Variants in CCDC146 observed in about 807,000 individuals in gnomAD.
CCDC146 encodes coiled-coil domain-containing protein 146.
In CCDC146, 92 loss-of-function variants were observed where a neutral mutation model predicts 119.3. That is an observed-to-expected ratio of 0.77 (90% CI 0.65 to 0.92). CCDC146 has a LOEUF of 0.92. Among genes scored for constraint, CCDC146 ranks in the 40% least tolerant of loss-of-function variants. The pLI is 0.00. For synonymous variants in CCDC146, 372 were observed against 371.8 expected, an observed-to-expected ratio of 1.00 and a Z score of -0.01; for missense variants, 1,000 against 1,103.0, an observed-to-expected ratio of 0.91 and a Z score of 1.32.
At chr7:77,146,110 G>A (rs1791015001) in intron 1 of CCDC146, among the ~76,000 whole-genome samples, 2 of 151,782 alleles carry the variant, frequency 1.3e-5, no homozygotes, top group South Asian at 4.2e-4. Context: ...TCTTGTATTG[G>A]GTGCATACAT....
At chr7:77,145,992 T>A (rs1224470761) in intron 1 of CCDC146, among the ~76,000 whole-genome samples, 1 of 151,960 alleles carries the variant, frequency 6.6e-6, no homozygotes, top group African/African-American at 2.4e-5. Flanking sequence ...TCTGTCTCAT[T>A]GATCTGTCTA....
chr7:77,148,516 T>G (rs901810709), intron 1 of CCDC146, among the ~76,000 whole-genome samples: 1 of 152,058 alleles, frequency 6.6e-6, no homozygotes, highest in Non-Finnish European at 1.5e-5. Flanking sequence ...CTAGGAGCTG[T>G]AGACTGCAGC....
chr7:77,233,584 C>A (rs531776507), intron 2 of CCDC146, among the ~76,000 whole-genome samples: 3 of 152,130 alleles, frequency 2.0e-5, no homozygotes, highest in Non-Finnish European at 4.4e-5. Flanking sequence ...AGAAGGAATG[C>A]TTTTGGGATG....
At chr7:77,172,465 A>G (rs1229894733) in intron 2 of CCDC146, among the ~76,000 whole-genome samples, 1 of 152,234 alleles carries the variant, frequency 6.6e-6, no homozygotes, top group Non-Finnish European at 1.5e-5. Context: ...GAAAACACAG[A>G]AACTGCTTAT....
chr7:77,236,920 A>G (rs370811942), intron 2 of CCDC146, 27 bp from the exon 3 acceptor site: 194 of 1,554,630 alleles, frequency 1.2e-4, no homozygotes, highest in Non-Finnish European at 1.7e-4. Context: ...ATGGTGATTA[A>G]CAGTGACCTT....
At chr7:77,137,731 A>G (rs567369281) in intron 1 of CCDC146, among the ~76,000 whole-genome samples, 2 of 152,090 alleles carry the variant, frequency 1.3e-5, no homozygotes, top group Non-Finnish European at 2.9e-5. Flanking sequence ...TCATTTGTGG[A>G]TATCAACAAA....
chr7:77,166,055 T>C (rs1791333552), intron 1 of CCDC146, among the ~76,000 whole-genome samples: 1 of 152,232 alleles, frequency 6.6e-6, no homozygotes, highest in South Asian at 2.1e-4. Flanking sequence ...AATTTTATTT[T>C]ATTTTTGTAA....
At position 77,256,339 on chromosome 7, in the gene CCDC146, G is replaced by C; in HGVS notation, c.514G>C (p.Glu172Gln). ...FEKITKPGEM[E>Q]KKMKILREST... ...ATCTTCACGACTTTTAAAGGAAATG[G>C]AGAAGAAGATGAAAATATTGAGAGA... The change falls in exon 6 of 19, where the codon GAG becomes CAG. Residue 172 changes from glutamate to glutamine, a missense_variant. Coordinates refer to ENST00000285871, the MANE Select transcript of CCDC146 (RefSeq NM_020879.3). The C allele has an allele frequency of 6.3e-7, 1 of 1,589,634 alleles. No homozygotes were observed. The highest frequency in any genetic ancestry group is 1.2e-5 in the South Asian group (1 of 85,902).
chr7:77,284,415 C>A (rs968938785), intron 15 of CCDC146, among the ~76,000 whole-genome samples: 1 of 151,978 alleles, frequency 6.6e-6, no homozygotes, highest in African/African-American at 2.4e-5. Context: ...TGCTTGCCCC[C>A]ACTCCATTTT....
At chr7:77,275,721 G>C (rs1267186698) in intron 11 of CCDC146, among the ~76,000 whole-genome samples, 1 of 151,912 alleles carries the variant, frequency 6.6e-6, no homozygotes, top group Non-Finnish European at 1.5e-5. Flanking sequence ...GATTTTCCTG[G>C]GCCTCCTACA....
chr7:77,239,421 A>G (rs1315993603), intron 3 of CCDC146, among the ~76,000 whole-genome samples: 1 of 152,264 alleles, frequency 6.6e-6, no homozygotes, highest in East Asian at 1.9e-4. Flanking sequence ...CATGCCTGGA[A>G]CGTGTTATGT....
chr7:77,219,685 C>T (rs1274306602), intron 2 of CCDC146, among the ~76,000 whole-genome samples: 1 of 152,140 alleles, frequency 6.6e-6, no homozygotes, highest in Non-Finnish European at 1.5e-5. Context: ...TTTCTATTTT[C>T]CCTAAGTGTC....
intron 1 of CCDC146, among the ~76,000 whole-genome samples, chr7:77,152,842 A>G (rs917380634): frequency 4.6e-5 from 7 of 152,202 alleles, no homozygotes; most frequent in African/African-American, 1.7e-4. Context: ...GTATGAAATA[A>G]AAAGAACAAG....
intron 1 of CCDC146, among the ~76,000 whole-genome samples, chr7:77,147,015 G>T (rs1791031423): frequency 6.6e-6 from 1 of 152,094 alleles, no homozygotes; most frequent in Admixed American, 6.5e-5. Context: ...TTTCCAACTT[G>T]GTTCCATTCT....
At chr7:77,170,558 T>C (rs565489720) in intron 2 of CCDC146, among the ~76,000 whole-genome samples, 3 of 152,152 alleles carry the variant, frequency 2.0e-5, no homozygotes, top group Non-Finnish European at 4.4e-5. Flanking sequence ...CCAAACTGCT[T>C]TCCACAGTGG....
At chr7:77,242,020 C>A in intron 4 of CCDC146, 120 bp downstream of exon 4, 2 of 717,298 alleles carry the variant, frequency 2.8e-6, no homozygotes, top group Non-Finnish European at 4.7e-6. Flanking sequence ...TGATTGCAAA[C>A]CTAGTTCTCT....
intron 4 of CCDC146, among the ~76,000 whole-genome samples, chr7:77,250,093 C>T (rs1225057812): frequency 1.3e-5 from 2 of 152,174 alleles, no homozygotes; most frequent in Non-Finnish European, 2.9e-5. Context: ...CAAAATAGTC[C>T]TATTCCTCCT....
rs185810468 is a variant in CCDC146 at position 77,220,508 on chromosome 7, A to G, written c.157-16439A>G. On this transcript the variant is annotated intron_variant, in intron 2 of 18. Coordinates refer to ENST00000285871, the MANE Select transcript of CCDC146 (RefSeq NM_020879.3). The stretch of plus-strand genomic sequence containing the variant: ...TTAAGAGATTAAAGTAAAGACAGGC[A>G]TAGGAAATTATAAGAGTATTGATTG... 1.3e-5 allele frequency among the ~76,000 whole-genome samples: 2 copies of G among 152,372 alleles called. 1 individual carries two copies. Among genetic ancestry groups the G allele is most frequent in the East Asian group, 3.9e-4 (2 of 5,192 alleles).
At chr7:77,130,330 TAGTTAA>T (rs1181515712) in intron 1 of CCDC146, among the ~76,000 whole-genome samples, 1 of 152,054 alleles carries the variant, frequency 6.6e-6, no homozygotes, top group Non-Finnish European at 1.5e-5. Flanking sequence ...CAAGAAAGCA[TAGTTAA>T]GGCTTTGAGA....
Sources: allele counts gnomAD v4.1 joint callset (sites outside exome capture counted in the v4.1 genomes callset), GRCh38; gene constraint gnomAD v4.1.1; transcripts MANE v1.5; gene names NCBI Gene and HGNC (gene_info 2026-07-23, HGNC 2026-07-21).